COL13A1: variants seen among roughly 807,000 people sequenced by gnomAD.
The protein encoded by COL13A1 is collagen type XIII alpha 1 chain.
In COL13A1, 89 loss-of-function variants were observed where a neutral mutation model predicts 130.9. The observed-to-expected ratio is 0.68, with a 90% CI of 0.57 to 0.81. The LOEUF is 0.81. Among genes scored for constraint, COL13A1 ranks in the 30% least tolerant of loss-of-function variants. COL13A1 has a pLI of 0.00. For synonymous variants in COL13A1, 402 were observed against 341.6 expected (o/e 1.18, Z -1.95); for missense variants, 879 against 934.6 (o/e 0.94, Z 0.78).
intron 39 of COL13A1, chr10:69,955,710 A>C (rs2070540215): frequency 6.6e-6 from 1 of 152,258 alleles, no homozygotes; most frequent in African/African-American, 2.4e-5. Context: ...TCCCCTCCCC[A>C]ACCCAGAGGG....
intron 15 of COL13A1, 26 bp from the exon 16 acceptor site, chr10:69,904,907 T>TTC (rs1330830571): frequency 4.4e-5 from 9 of 203,606 alleles, no homozygotes; most frequent in Middle Eastern, 8.9e-4. Flanking sequence ...TCTTTTTTCT[T>TTC]TTTTTTTTTT....
chr10:69,958,954 A>AT lies in COL13A1; in HGVS notation c.*255dup. ...GTCTGCATGATATTTGTGCACATTT[A>AT]TTAAGTATCGAAGCTTAATAAATTA... On this transcript the variant is annotated 3_prime_UTR_variant, in exon 41 of 41. Coordinates refer to ENST00000645393, the MANE Select transcript of COL13A1 (RefSeq NM_001368882.1). The AT allele has an allele frequency of 1.9e-6, 1 of 522,266 alleles. No individual in the cohort carries two copies. Among genetic ancestry groups the AT allele is most frequent in the Non-Finnish European group, 3.3e-6 (1 of 302,164 alleles). 32.4% of individuals were successfully genotyped at this position (522,266 alleles called of 1,614,324 possible).
At chr10:69,936,011 CAA>C (rs112838258) in intron 32 of COL13A1, among the ~76,000 whole-genome samples, 1 of 133,068 alleles carries the variant, frequency 7.5e-6, no homozygotes, top group Non-Finnish European at 1.6e-5. Flanking sequence ...GACCCTGTCT[CAA>C]AAAAAAAGAA....
chr10:69,902,110 T>C (rs1047869415), intron 14 of COL13A1, among the ~76,000 whole-genome samples: 1 of 152,096 alleles, frequency 6.6e-6, no homozygotes, highest in African/African-American at 2.4e-5. Flanking sequence ...TCCTTGGACG[T>C]AGGAATGTGG....
At chr10:69,929,730 G>A (rs940286703) in intron 28 of COL13A1, among the ~76,000 whole-genome samples, 3 of 152,160 alleles carry the variant, frequency 2.0e-5, no homozygotes, top group Admixed American at 6.5e-5. Flanking sequence ...GGAGCCAAGG[G>A]CGCCTAGGGC....
chr10:69,948,092 G>T (rs1356391408), intron 38 of COL13A1, among the ~76,000 whole-genome samples: 2 of 152,170 alleles, frequency 1.3e-5, no homozygotes, highest in African/African-American at 4.8e-5. Context: ...GGAGTGGGGG[G>T]CACACCCCCT....
chr10:69,943,745 T>C (rs2068019713), intron 35 of COL13A1, among the ~76,000 whole-genome samples: 1 of 152,104 alleles, frequency 6.6e-6, no homozygotes, highest in Non-Finnish European at 1.5e-5. Context: ...ACCCTCCCGC[T>C]GCATGTGGAG....
rs553724624 is a variant in COL13A1, at chr10:69,884,058, C to G, written c.514-3398C>G. Reference sequence around the variant, plus strand: ...CATTTCTGACTTGAGTAACACAGTACTCTTTCCCAGAAGGAAGAGCAGATT... The same window carrying G: ...CATTTCTGACTTGAGTAACACAGTAGTCTTTCCCAGAAGGAAGAGCAGATT... On this transcript the variant is annotated intron_variant, in intron 7 of 40. Coordinates refer to ENST00000645393, the MANE Select transcript of COL13A1 (RefSeq NM_001368882.1). 1.8e-3 allele frequency among the ~76,000 whole-genome samples: 274 copies of G among 152,344 alleles called. 1 individual carries two copies. The highest frequency in any genetic ancestry group is 6.4e-3 in the African/African-American group (268 of 41,578).
intron 7 of COL13A1, among the ~76,000 whole-genome samples, chr10:69,885,777 C>T (rs1054019641): frequency 4.6e-5 from 7 of 152,144 alleles, no homozygotes; most frequent in Non-Finnish European, 1.0e-4. Context: ...GTGTGGTTTC[C>T]GGGTTTTCTC....
chr10:69,843,154 C>T (rs1852067248), intron 2 of COL13A1, among the ~76,000 whole-genome samples: 1 of 152,142 alleles, frequency 6.6e-6, no homozygotes, highest in South Asian at 2.1e-4. Flanking sequence ...AGATTCTCAC[C>T]ATGTCGTGTT....
chr10:69,873,696 G>A (rs1260353868), intron 4 of COL13A1, among the ~76,000 whole-genome samples: 1 of 152,154 alleles, frequency 6.6e-6, no homozygotes. Flanking sequence ...TGCCACAGCC[G>A]ACCACCCGCC....
intron 1 of COL13A1, among the ~76,000 whole-genome samples, chr10:69,810,712 G>A (rs552289220): frequency 6.6e-6 from 1 of 152,290 alleles, no homozygotes; most frequent in East Asian, 1.9e-4. Flanking sequence ...CTTCTCCAAG[G>A]GAAACTGAGG....
At chr10:69,820,306 C>T (rs1237806000) in intron 1 of COL13A1, among the ~76,000 whole-genome samples, 1 of 152,254 alleles carries the variant, frequency 6.6e-6, no homozygotes, top group Admixed American at 6.5e-5. Context: ...GTCTCCAGCC[C>T]AACCCTGTGA....
At chr10:69,939,872 G>T (rs979228777) in intron 34 of COL13A1, among the ~76,000 whole-genome samples, 5 of 152,204 alleles carry the variant, frequency 3.3e-5, no homozygotes, top group African/African-American at 1.2e-4. Flanking sequence ...TCTGAGAAGA[G>T]TCCCTGCAGA....
At chr10:69,827,833 G>A (rs1847865512) in intron 2 of COL13A1, among the ~76,000 whole-genome samples, 1 of 152,134 alleles carries the variant, frequency 6.6e-6, no homozygotes, top group African/African-American at 2.4e-5. Flanking sequence ...TACATGGGCA[G>A]GACCTGTAGC....
chr10:69,905,949 G>A (rs1407218889), intron 17 of COL13A1, 127 bp downstream of exon 17: 1 of 1,004,050 alleles, frequency 1.0e-6, no homozygotes, highest in Non-Finnish European at 1.5e-6. Context: ...AGGCAGGCCA[G>A]GTTCTCACTG....
At chr10:69,930,337 C>T in intron 29 of COL13A1, 63 bp from the exon 30 acceptor site, 1 of 1,463,050 alleles carries the variant, frequency 6.8e-7, no homozygotes, top group Non-Finnish European at 9.3e-7. Flanking sequence ...TTTCTACTCT[C>T]TCTCCCTCTC....
chr10:69,906,627 G>A (rs1449162920), intron 17 of COL13A1, among the ~76,000 whole-genome samples: 1 of 152,132 alleles, frequency 6.6e-6, no homozygotes, highest in East Asian at 1.9e-4. Flanking sequence ...CAAGTCACAT[G>A]ACCAAGTCAT....
intron 2 of COL13A1, among the ~76,000 whole-genome samples, chr10:69,834,955 G>A (rs1291039547): frequency 6.6e-6 from 1 of 152,240 alleles, no homozygotes; most frequent in African/African-American, 2.4e-5. Flanking sequence ...CTTACCTGTA[G>A]CCACCTGCCA....
Sources: allele counts gnomAD v4.1 joint callset (sites outside exome capture counted in the v4.1 genomes callset), GRCh38; gene constraint gnomAD v4.1.1; transcripts MANE v1.5; gene names NCBI Gene and HGNC (gene_info 2026-07-23, HGNC 2026-07-21).